ESYT3: variants seen among roughly 807,000 people sequenced by gnomAD.
ESYT3 encodes extended synaptotagmin 3, also known as extended synaptotagmin-3.
In ESYT3, 101 loss-of-function variants were observed where a neutral mutation model predicts 111.5. The ratio of observed to expected loss-of-function variants is 0.91; its 90% CI spans 0.77 to 1.07. The LOEUF is 1.07. Among genes scored for constraint, ESYT3 ranks in the 50% least tolerant of loss-of-function variants. ESYT3 has a pLI of 0.00. For synonymous variants in ESYT3, 416 were observed against 446.8 expected (o/e 0.93, Z 0.87); for missense variants, 1,097 against 1,109.4 (o/e 0.99, Z 0.16).
intron 3 of ESYT3, among the ~76,000 whole-genome samples, chr3:138,457,077 G>T (rs1051144334): frequency 4.6e-5 from 7 of 152,054 alleles, no homozygotes; most frequent in African/African-American, 1.7e-4. Flanking sequence ...CCTGGGCTTG[G>T]CCAGGACCTA....
intron 6 of ESYT3, among the ~76,000 whole-genome samples, chr3:138,460,402 C>T (rs1682625730): frequency 6.6e-6 from 1 of 152,154 alleles, no homozygotes; most frequent in Non-Finnish European, 1.5e-5. Context: ...AGGCCTGGGC[C>T]CTCGATACCG....
intron 1 of ESYT3, among the ~76,000 whole-genome samples, chr3:138,441,945 G>A (rs150777042): frequency 3.5e-4 from 53 of 152,150 alleles, no homozygotes; most frequent in African/African-American, 1.1e-3. Flanking sequence ...AGGGCAGGCC[G>A]AGAAGCCCTG....
rs778357597 is a variant in ESYT3, at chr3:138,476,334, T to C, written c.2574+6T>C. The C allele has an allele frequency of 3.7e-6, 6 of 1,609,074 alleles. No homozygotes were observed. The highest frequency in any genetic ancestry group is 4.5e-5 in the East Asian group (2 of 44,828). On this transcript the variant is annotated splice_donor_region_variant and intron_variant, in intron 21 of 22. Transcript: ENST00000389567. ...GAAGAAAGGAGTTAGGAAAAGTAAG[T>C]ACAAGAGATATTTGATATACCAAGG...
intron 17 of ESYT3, 21 bp downstream of exon 17, chr3:138,471,047 G>A (rs1162626598): frequency 6.3e-7 from 1 of 1,592,942 alleles, no homozygotes. Context: ...CCGGTCCCCT[G>A]GGGGAGGGGA....
intron 8 of ESYT3, chr3:138,462,438 T>G (rs977127831): frequency 8.6e-6 from 5 of 580,732 alleles, no homozygotes; most frequent in Non-Finnish European, 1.5e-5. Context: ...ACTTGGAATA[T>G]TTCCTCTGTT....
rs552469641 is a variant in ESYT3 at position 138,455,183 on chromosome 3, C to T, written c.370-11C>T. The T allele has an allele frequency of 1.9e-5, 30 of 1,614,002 alleles. No homozygotes were observed. In the East Asian group the frequency reaches 3.8e-4, roughly 20 times the overall value. ...GACCTGACTACCAAGAGCCTCTTCC[C>T]GTCTTCACAGATCATCTCTCAGACC... On this transcript the variant is annotated splice_polypyrimidine_tract_variant and intron_variant, in intron 2 of 22. Coordinates refer to ENST00000389567, the MANE Select transcript of ESYT3 (RefSeq NM_031913.5).
rs777030684 is a variant in ESYT3, at chr3:138,472,342, C to T, written c.1741-21C>T. On this transcript the variant is annotated intron_variant, in intron 17 of 22. Coordinates refer to ENST00000389567, the MANE Select transcript of ESYT3 (RefSeq NM_031913.5). ...GGAAGTGGTGACTCAGCTCATAAGC[C>T]ACCCTCTTATCTGCTTGCAGTTCCT... 16 of 1,606,822 alleles carry T rather than the reference C, an allele frequency of 1.0e-5. No homozygotes were observed. In the South Asian group the frequency reaches 1.8e-4, roughly 18 times the overall value.
chr3:138,462,825 G>T (rs981284260), intron 8 of ESYT3, among the ~76,000 whole-genome samples: 1 of 152,014 alleles, frequency 6.6e-6, no homozygotes, highest in African/African-American at 2.4e-5. Flanking sequence ...ACCACGCCTG[G>T]CTAATTTTTG....
At chr3:138,457,490 C>G in intron 3 of ESYT3, 78 bp from the exon 4 acceptor site, 1 of 1,295,518 alleles carries the variant, frequency 7.7e-7, no homozygotes, top group Non-Finnish European at 1.1e-6. Flanking sequence ...CTGACAAAGC[C>G]CAGTGCCGGG....
chr3:138,476,140 G>C, intron 20 of ESYT3, 83 bp from the exon 21 acceptor site: 1 of 886,328 alleles, frequency 1.1e-6, no homozygotes, highest in Admixed American at 1.9e-5. Context: ...TTCTGTTTTA[G>C]TAGGGAAATG....
intron 1 of ESYT3, among the ~76,000 whole-genome samples, chr3:138,436,943 G>C (rs998145224): frequency 6.6e-6 from 1 of 151,114 alleles, no homozygotes. Flanking sequence ...GTGTAGGGGC[G>C]TGGACACCCT....
chr3:138,473,282 T>G, intron 18 of ESYT3: 1 of 700,396 alleles, frequency 1.4e-6, no homozygotes, highest in Non-Finnish European at 2.1e-6. Context: ...AATAAATTCA[T>G]CCAAGGTCCC....
At chr3:138,438,390 A>T (rs926058490) in intron 1 of ESYT3, among the ~76,000 whole-genome samples, 1 of 152,060 alleles carries the variant, frequency 6.6e-6, no homozygotes, top group East Asian at 1.9e-4. Context: ...GTGGGGAGGG[A>T]TGGATATCCG....
chr3:138,459,332 G>C, intron 5 of ESYT3, 79 bp downstream of exon 5: 6 of 1,231,142 alleles, frequency 4.9e-6, no homozygotes, highest in Non-Finnish European at 6.8e-6. Flanking sequence ...GGTCATGCCA[G>C]AGTAGGCCGC....
chr3:138,467,484 G>C, intron 10 of ESYT3, 77 bp from the exon 11 acceptor site: 1 of 1,422,726 alleles, frequency 7.0e-7, no homozygotes, highest in Non-Finnish European at 9.9e-7. Flanking sequence ...TGAAAACAGA[G>C]TCCAGTGTGG....
At chr3:138,446,149 C>T (rs1374121431) in intron 1 of ESYT3, among the ~76,000 whole-genome samples, 1 of 152,254 alleles carries the variant, frequency 6.6e-6, no homozygotes, top group Non-Finnish European at 1.5e-5. Context: ...AGTCATAAGG[C>T]ATGGCCTCTA....
intron 1 of ESYT3, among the ~76,000 whole-genome samples, chr3:138,449,492 G>GA (rs747009123): frequency 2.0e-5 from 3 of 152,184 alleles, no homozygotes; most frequent in Non-Finnish European, 4.4e-5. Flanking sequence ...AGGAGCTTGT[G>GA]AAAAATAAGT....
chr3:138,460,943 C>T (rs12054428), intron 7 of ESYT3, among the ~76,000 whole-genome samples: 12,421 of 152,232 alleles, frequency 0.082, 1,041 homozygotes, highest in East Asian at 0.38. Flanking sequence ...GTTGGGCTGA[C>T]GTTCAGGTCC....
chr3:138,452,820 G>A (rs1438956582), intron 2 of ESYT3, among the ~76,000 whole-genome samples: 4 of 152,202 alleles, frequency 2.6e-5, no homozygotes, highest in South Asian at 2.1e-4. Context: ...GGCTTAGCCC[G>A]TAGCAGGAAT....
Sources: gnomAD v4.1 joint callset for allele counts (sites outside exome capture counted in the v4.1 genomes callset) on GRCh38, gnomAD v4.1.1 for gene constraint, MANE v1.5 for transcripts, NCBI Gene and HGNC (gene_info 2026-07-23, HGNC 2026-07-21) for gene names.